ROBO2: variants seen among roughly 807,000 people sequenced by gnomAD.
ROBO2 encodes roundabout guidance receptor 2.
Under a neutral mutation model 160.8 loss-of-function variants are expected in ROBO2, and 53 were observed. The ratio of observed to expected loss-of-function variants is 0.33; its 90% confidence interval spans 0.26 to 0.41. The LOEUF (loss-of-function observed/expected upper bound fraction) is 0.41, where lower values mean the gene tolerates loss of function less well. Among genes scored for constraint, ROBO2 ranks in the 10% least tolerant of loss-of-function variants. ROBO2 has a pLI of 1.00. For missense variants in ROBO2, 1,577 were observed against 1,722.4 expected (o/e 0.92, Z 1.49); for synonymous variants, 664 against 611.7 (o/e 1.09, Z -1.26).
At chr3:76,150,384 C>CAT (rs368509914) in intron 2 of ROBO2, among the ~76,000 whole-genome samples, 11 of 3,770 alleles carry the variant, frequency 2.9e-3, no homozygotes, top group South Asian at 0.019. Flanking sequence ...CTAAAGCACA[C>CAT]CTTTTTAAAA....
chr3:77,325,666 A>G (rs2065301513), intron 2 of ROBO2, among the ~76,000 whole-genome samples: 2 of 152,224 alleles, frequency 1.3e-5, no homozygotes, highest in South Asian at 4.1e-4. Context: ...GGGTGGAGAT[A>G]ATGGAGAAAG....
At chr3:77,465,980 A>C (rs1369967340) in intron 2 of ROBO2, among the ~76,000 whole-genome samples, 1 of 152,164 alleles carries the variant, frequency 6.6e-6, no homozygotes, top group African/African-American at 2.4e-5. Flanking sequence ...GAACTGTCAG[A>C]AGATGGTGAT....
At chr3:76,934,606 T>G (rs2149074531) in intron 2 of ROBO2, among the ~76,000 whole-genome samples, 1 of 152,226 alleles carries the variant, frequency 6.6e-6, no homozygotes, top group East Asian at 1.9e-4. Flanking sequence ...CTGGACATGG[T>G]GGTGCATGCC....
At chr3:77,162,933 A>G (rs1290636033) in intron 2 of ROBO2, among the ~76,000 whole-genome samples, 3 of 151,932 alleles carry the variant, frequency 2.0e-5, no homozygotes, top group Admixed American at 6.6e-5. Flanking sequence ...GGGTTCAAGC[A>G]ATTGTCCTGA....
intron 2 of ROBO2, among the ~76,000 whole-genome samples, chr3:76,563,269 T>G (rs1053506030): frequency 6.6e-6 from 1 of 152,190 alleles, no homozygotes; most frequent in Non-Finnish European, 1.5e-5. Context: ...AGTGTGATTT[T>G]CTTAAGTAAT....
At chr3:76,250,735 C>T (rs1489649497) in intron 2 of ROBO2, among the ~76,000 whole-genome samples, 1 of 152,000 alleles carries the variant, frequency 6.6e-6, no homozygotes, top group Non-Finnish European at 1.5e-5. Context: ...ACTAATAGTA[C>T]TAAAAATGGA....
intron 2 of ROBO2, among the ~76,000 whole-genome samples, chr3:77,181,356 G>A (rs1269980453): frequency 6.6e-6 from 1 of 151,906 alleles, no homozygotes; most frequent in African/African-American, 2.4e-5. Context: ...TCATTGAGGA[G>A]GCTCTTTCCC....
chr3:76,417,149 A>G (rs2075789301), intron 2 of ROBO2, among the ~76,000 whole-genome samples: 1 of 152,170 alleles, frequency 6.6e-6, no homozygotes, highest in Non-Finnish European at 1.5e-5. Context: ...AAAAAAGCTC[A>G]TGTTATCTGG....
At chr3:76,133,705 A>G (rs2071320924) in intron 2 of ROBO2, among the ~76,000 whole-genome samples, 1 of 152,118 alleles carries the variant, frequency 6.6e-6, no homozygotes, top group Non-Finnish European at 1.5e-5. Context: ...TGATGTTCGA[A>G]GGCAGGAAGC....
In ROBO2 at chr3:76,319,193, T is replaced by A. The variant is rs932808804; in HGVS notation, c.109+381591T>A. Among the ~76,000 whole-genome samples the A allele has an allele frequency of 2.0e-5, 3 of 152,032 alleles. No homozygotes were observed. The South Asian group carries it at 6.2e-4, about 31-fold the overall frequency. ...TTGTCCAAAAGTAGAATTTAAGAAA[T>A]GAAAACAAAGGATCACAATCCCAGA... is the stretch of plus-strand genomic sequence containing the variant. On this transcript the variant is annotated intron_variant, in intron 2 of 26. Coordinates refer to the ROBO2 transcript ENST00000487694.
intron 2 of ROBO2, among the ~76,000 whole-genome samples, chr3:77,408,081 A>T (rs1164343962): frequency 6.7e-6 from 1 of 149,610 alleles, no homozygotes; most frequent in Non-Finnish European, 1.5e-5. Flanking sequence ...TGGAGGGAGG[A>T]TCAGAGAACA....
intron 2 of ROBO2, among the ~76,000 whole-genome samples, chr3:76,478,046 C>A (rs928928816): frequency 5.5e-5 from 7 of 127,986 alleles, no homozygotes; most frequent in African/African-American, 2.2e-4. Flanking sequence ...TATTATTATA[C>A]TTTAAGTTTT....
intron 2 of ROBO2, among the ~76,000 whole-genome samples, chr3:76,666,901 A>C (rs1018117005): frequency 2.0e-5 from 3 of 152,116 alleles, no homozygotes; most frequent in African/African-American, 7.2e-5. Flanking sequence ...GCATTTCATC[A>C]AGAGTTTACT....
At position 76,127,820 on chromosome 3, in the gene ROBO2, A is replaced by G. The variant is rs140805206; in HGVS notation, c.109+190218A>G. ...GTTTTACAAAATATCTATGAAGCAA[A>G]ATGCCTGAATACTTTGAAAAATACA... On this transcript the variant is annotated intron_variant, in intron 2 of 26. Coordinates refer to the ROBO2 transcript ENST00000487694. Among the ~76,000 whole-genome samples the G allele has an allele frequency of 3.8e-3, 582 of 151,936 alleles. 4 individuals carry two copies. The highest frequency in any genetic ancestry group is 0.013 in the African/African-American group (543 of 41,498).
intron 2 of ROBO2, among the ~76,000 whole-genome samples, chr3:77,397,059 A>G (rs1581630339): frequency 6.6e-6 from 1 of 151,988 alleles, no homozygotes; most frequent in South Asian, 2.1e-4. Flanking sequence ...AAACTGTGTG[A>G]GTATTACACA....
chr3:77,334,154 C>A (rs1321619361), intron 2 of ROBO2, among the ~76,000 whole-genome samples: 1 of 152,150 alleles, frequency 6.6e-6, no homozygotes. Context: ...ACAAAGTGAT[C>A]ATTTCAGCAT....
intron 2 of ROBO2, among the ~76,000 whole-genome samples, chr3:77,110,451 T>C (rs2150172947): frequency 1.3e-5 from 2 of 152,052 alleles, no homozygotes; most frequent in South Asian, 4.2e-4. Context: ...ACTTTCAAAT[T>C]ACTCTTTTTA....
At chr3:76,567,070 C>T (rs1353411017) in intron 2 of ROBO2, among the ~76,000 whole-genome samples, 2 of 152,168 alleles carry the variant, frequency 1.3e-5, no homozygotes, top group Non-Finnish European at 2.9e-5. Context: ...TTAACACCAA[C>T]ACAGCAGGGA....
intron 2 of ROBO2, among the ~76,000 whole-genome samples, chr3:76,418,599 T>C (rs576729871): frequency 2.0e-5 from 3 of 149,772 alleles, no homozygotes; most frequent in Admixed American, 2.0e-4. Flanking sequence ...CTTGTGGTGA[T>C]CCCTTGTTGG....
Sources: allele counts gnomAD v4.1 joint callset (sites outside exome capture counted in the v4.1 genomes callset), GRCh38; gene constraint gnomAD v4.1.1; transcripts MANE v1.5; gene names NCBI Gene and HGNC (gene_info 2026-07-23, HGNC 2026-07-21).